SLC39A11: variants seen among roughly 807,000 people sequenced by gnomAD.
SLC39A11 encodes zinc transporter ZIP11.
Under a neutral mutation model 36.1 loss-of-function variants are expected in SLC39A11, and 33 were observed. The ratio of observed to expected loss-of-function variants is 0.91; its 90% CI spans 0.69 to 1.22. The LOEUF (loss-of-function observed/expected upper bound fraction) is 1.22. Among genes scored for constraint, SLC39A11 ranks in the 50% most tolerant of loss-of-function variants. The pLI is 0.00. For synonymous variants in SLC39A11, 166 were observed against 170.3 expected (o/e 0.97, Z 0.20); for missense variants, 432 against 430.3 (o/e 1.00, Z -0.03).
At chr17:72,865,350 A>G (rs2080247022) in intron 5 of SLC39A11, among the ~76,000 whole-genome samples, 1 of 150,500 alleles carries the variant, frequency 6.6e-6, no homozygotes, top group Non-Finnish European at 1.5e-5. Context: ...ATGCACCAAC[A>G]GAGAGAGACA....
At chr17:72,877,705 T>G (rs1403485351) in intron 5 of SLC39A11, among the ~76,000 whole-genome samples, 1 of 152,178 alleles carries the variant, frequency 6.6e-6, no homozygotes, top group African/African-American at 2.4e-5. Context: ...GTCCATGGTC[T>G]CACGACAGAC....
At chr17:72,662,178 G>A (rs2070454652) in intron 7 of SLC39A11, among the ~76,000 whole-genome samples, 1 of 152,124 alleles carries the variant, frequency 6.6e-6, no homozygotes, top group Admixed American at 6.6e-5. Flanking sequence ...TGGGTGGGAG[G>A]ACTGCCTGAG....
chr17:72,690,238 T>C (rs2071962368), intron 7 of SLC39A11, among the ~76,000 whole-genome samples: 1 of 152,218 alleles, frequency 6.6e-6, no homozygotes, highest in African/African-American at 2.4e-5. Flanking sequence ...GGCATGTGCC[T>C]GTGTTGGTGT....
intron 6 of SLC39A11, among the ~76,000 whole-genome samples, chr17:72,830,708 G>A (rs1421185132): frequency 2.0e-5 from 3 of 152,144 alleles, no homozygotes; most frequent in Non-Finnish European, 4.4e-5. Context: ...TCCCTCGCAA[G>A]GTAGAGCCCA....
intron 6 of SLC39A11, among the ~76,000 whole-genome samples, chr17:72,764,998 A>C (rs924525709): frequency 1.6e-4 from 24 of 152,204 alleles, no homozygotes; most frequent in Non-Finnish European, 4.4e-5. Flanking sequence ...GGCCAAGGTA[A>C]CTTTGGGAGC....
chr17:73,078,098 T>C (rs1257729021), intron 3 of SLC39A11, among the ~76,000 whole-genome samples: 17 of 151,678 alleles, frequency 1.1e-4, no homozygotes, highest in Admixed American at 3.3e-4. Flanking sequence ...ATTAGCCGGG[T>C]GTGGTGGCGT....
At chr17:73,005,980 A>G (rs1038705754) in intron 4 of SLC39A11, among the ~76,000 whole-genome samples, 2 of 152,002 alleles carry the variant, frequency 1.3e-5, no homozygotes, top group African/African-American at 2.4e-5. Flanking sequence ...AATAATAATA[A>G]TAAATAAAAT....
At chr17:72,900,153 AAAAGAAAG>A (rs201428795) in intron 5 of SLC39A11, among the ~76,000 whole-genome samples, 6,453 of 60,748 alleles carry the variant, frequency 0.11, 511 homozygotes, top group Non-Finnish European at 0.14. Context: ...AGAAAGAAAG[AAAAGAAAG>A]AAAGAAAGAA....
chr17:73,003,602 A>T (rs1220300717), intron 4 of SLC39A11, among the ~76,000 whole-genome samples: 1 of 152,168 alleles, frequency 6.6e-6, no homozygotes, highest in Non-Finnish European at 1.5e-5. Context: ...CTGAGTCTAC[A>T]TGAGAAAAGG....
rs61233755 is a variant in SLC39A11 at position 73,076,941 on chromosome 17, G to A, written c.147+7867C>T. On this transcript the variant is annotated intron_variant, in intron 3 of 9. Coordinates refer to ENST00000255559, the MANE Select transcript of SLC39A11 (RefSeq NM_139177.4). ...GAGTCCTTTGTAGTTGTGATGCCTCGTGCCCTGTGTGTTGCAGGATGTTAA... is the reference window on the plus strand; with the variant it reads ...GAGTCCTTTGTAGTTGTGATGCCTCATGCCCTGTGTGTTGCAGGATGTTAA... Among the ~76,000 whole-genome samples the A allele has an allele frequency of 1.8e-4, 28 of 151,488 alleles. 1 individual carries two copies. In the East Asian group the frequency reaches 3.3e-3, roughly 18 times the overall value.
chr17:72,743,304 A>G (rs1175081561), intron 6 of SLC39A11, among the ~76,000 whole-genome samples: 1 of 152,122 alleles, frequency 6.6e-6, no homozygotes, highest in African/African-American at 2.4e-5. Context: ...ACATGGCCCC[A>G]TGGGTAGTGA....
chr17:72,650,904 G>T, intron 7 of SLC39A11, among the ~76,000 whole-genome samples: 1 of 152,194 alleles, frequency 6.6e-6, no homozygotes, highest in Non-Finnish European at 1.5e-5. Flanking sequence ...ATCCGGCTGA[G>T]GCCCAAGTTC....
At chr17:72,980,055 T>C (rs372642512) in intron 4 of SLC39A11, among the ~76,000 whole-genome samples, 1 of 152,182 alleles carries the variant, frequency 6.6e-6, no homozygotes, top group East Asian at 1.9e-4. Flanking sequence ...GTTAAGACCA[T>C]GACATCCTAT....
rs113874801 is a variant in SLC39A11, at chr17:72,966,694, C to A, written c.307-18819G>T. On this transcript the variant is annotated intron_variant, in intron 4 of 9. Coordinates refer to ENST00000255559, the MANE Select transcript of SLC39A11 (RefSeq NM_139177.4). ...ACGCCATTCTCCTTCCTCAGCCTCC[C>A]GAGTAGCTGGGACTACAGGCGCCCG... 2.1e-3 allele frequency among the ~76,000 whole-genome samples: 320 copies of A among 152,224 alleles called. 2 individuals are homozygous for A. Among genetic ancestry groups the A allele is most frequent in the African/African-American group, 7.2e-3 (300 of 41,548 alleles).
At chr17:72,778,683 A>G (rs891642351) in intron 6 of SLC39A11, among the ~76,000 whole-genome samples, 1 of 152,210 alleles carries the variant, frequency 6.6e-6, no homozygotes, top group Non-Finnish European at 1.5e-5. Flanking sequence ...TGGCGTCTCT[A>G]TGGATGACAT....
At chr17:72,815,875 T>G (rs979222057) in intron 6 of SLC39A11, among the ~76,000 whole-genome samples, 2 of 151,960 alleles carry the variant, frequency 1.3e-5, no homozygotes, top group East Asian at 1.9e-4. Flanking sequence ...GAGCCGAGAT[T>G]GGGCCATTGC....
intron 6 of SLC39A11, among the ~76,000 whole-genome samples, chr17:72,805,196 G>T (rs2077212657): frequency 6.6e-6 from 1 of 152,130 alleles, no homozygotes; most frequent in Non-Finnish European, 1.5e-5. Context: ...GGGGGCTCTG[G>T]ATCTCTACCT....
At chr17:73,049,261 G>A (rs2059418372) in intron 3 of SLC39A11, among the ~76,000 whole-genome samples, 1 of 152,208 alleles carries the variant, frequency 6.6e-6, no homozygotes, top group South Asian at 2.1e-4. Context: ...CTGGGGGCAG[G>A]GGCTTCAACT....
chr17:72,919,757 G>A (rs2083547605), intron 5 of SLC39A11, among the ~76,000 whole-genome samples: 1 of 152,050 alleles, frequency 6.6e-6, no homozygotes, highest in South Asian at 2.1e-4. Flanking sequence ...CGCGTGGGGT[G>A]GAGACAGAGC....
Sources: gnomAD v4.1 joint callset for allele counts (sites outside exome capture counted in the v4.1 genomes callset) on GRCh38, gnomAD v4.1.1 for gene constraint, MANE v1.5 for transcripts, NCBI Gene and HGNC (gene_info 2026-07-23, HGNC 2026-07-21) for gene names.